The following TRPV4 variants were observed in gnomAD, a reference collection of about 807,000 sequenced individuals.
TRPV4 encodes the protein OSM9-like transient receptor potential channel 4.
Under a neutral mutation model 84.1 loss-of-function variants are expected in TRPV4, and 58 were observed. That is an observed-to-expected ratio of 0.69 (90% CI 0.56 to 0.86). The LOEUF (loss-of-function observed/expected upper bound fraction) is 0.86, where lower values mean the gene tolerates loss of function less well. Among genes scored for constraint, TRPV4 ranks in the 40% least tolerant of loss-of-function variants. The pLI is 0.00. For missense variants in TRPV4, 879 were observed against 1,181.1 expected, an observed-to-expected ratio of 0.74 and a Z score of 3.75; for synonymous variants, 489 against 500.9, an observed-to-expected ratio of 0.98 and a Z score of 0.32.
At chr12:109,822,078 G>A (rs888096832) in intron 1 of TRPV4, among the ~76,000 whole-genome samples, 1 of 152,120 alleles carries the variant, frequency 6.6e-6, no homozygotes, top group African/African-American at 2.4e-5. Flanking sequence ...GGAGGAGGAG[G>A]AAGATAAAGG....
At chr12:109,791,770 C>T (rs1048261144) in intron 12 of TRPV4, among the ~76,000 whole-genome samples, 1 of 151,958 alleles carries the variant, frequency 6.6e-6, no homozygotes, top group Non-Finnish European at 1.5e-5. Flanking sequence ...AGATGTGAGC[C>T]ACTGCGCCCG....
intron 3 of TRPV4, among the ~76,000 whole-genome samples, chr12:109,806,524 G>A (rs1342421632): frequency 6.6e-6 from 1 of 151,522 alleles, no homozygotes; most frequent in Admixed American, 6.6e-5. Flanking sequence ...GTCTCCTGAT[G>A]GACACAATGA....
chr12:109,802,293 C>CTTTTTTTTT (rs1890835805), intron 4 of TRPV4, among the ~76,000 whole-genome samples: 1 of 149,626 alleles, frequency 6.7e-6, no homozygotes, highest in Non-Finnish European at 1.5e-5. Context: ...ACAAGCCTGG[C>CTTTTTTTTT]TTTTTTTGCA....
Position 109,798,900 on chromosome 12 carries a change from A to G in TRPV4, c.866T>C (p.Leu289Pro), listed in dbSNP as rs747187487. The change falls in exon 6 of 16, where the codon CTG becomes CCG. Residue 289 changes from leucine to proline, a missense_variant. Coordinates refer to ENST00000261740, the MANE Select transcript of TRPV4 (RefSeq NM_021625.5). The surrounding 1 kb of genome is among the most constrained non-coding windows in gnomAD (Gnocchi z 5.0). ...GGYFYFGELP[L>P]SLAACTNQPH... ...CTGGTTGGTGCAGGCAGCCAGCGAC[A>G]GGGGCAGCTCCCCTGCGGGCCAGGG... is the stretch of plus-strand genomic sequence containing the variant. The G allele has an allele frequency of 6.2e-7, 1 of 1,611,034 alleles. No homozygotes were observed. The highest frequency in any genetic ancestry group is 8.5e-7 in the Non-Finnish European group (1 of 1,178,018).
chr12:109,808,934 A>AC (rs1891320490), intron 2 of TRPV4, among the ~76,000 whole-genome samples: 1 of 149,058 alleles, frequency 6.7e-6, no homozygotes, highest in East Asian at 2.0e-4. Flanking sequence ...CCATCTATCC[A>AC]CCCATCCATC....
Position 109,783,478 on chromosome 12 carries a change from G to A in TRPV4, c.*143C>T. Reference sequence around the variant, plus strand: ...GGAGGCAGAGCCAGGGGACCACAGGGTCCTGGGGCCTCCCTGGCACCTCCA... The same window carrying A: ...GGAGGCAGAGCCAGGGGACCACAGGATCCTGGGGCCTCCCTGGCACCTCCA... On this transcript the variant is annotated 3_prime_UTR_variant, in exon 16 of 16. Coordinates refer to ENST00000261740, the MANE Select transcript of TRPV4 (RefSeq NM_021625.5). The surrounding 1 kb of genome is among the most constrained non-coding windows in gnomAD (Gnocchi z 4.6). The A allele has an allele frequency of 8.5e-7, 1 of 1,170,046 alleles. No homozygotes were observed. Among genetic ancestry groups the A allele is most frequent in the Middle Eastern group, 2.9e-4 (1 of 3,402 alleles). The allele number at this position is 1,170,046 out of a possible 1,614,324, so 72.5% of individuals were successfully genotyped here. A position where few individuals can be genotyped will look rare whatever the true frequency, so the allele number is the denominator to read the frequency against.
intron 3 of TRPV4, among the ~76,000 whole-genome samples, chr12:109,803,762 G>A (rs770741298): frequency 2.0e-5 from 3 of 152,116 alleles, no homozygotes; most frequent in East Asian, 1.9e-4. Context: ...CCTGGCCCTC[G>A]AAAAGATTTA....
intron 2 of TRPV4, among the ~76,000 whole-genome samples, chr12:109,810,856 G>A (rs1470871182): frequency 6.6e-6 from 1 of 152,182 alleles, no homozygotes; most frequent in Non-Finnish European, 1.5e-5. Flanking sequence ...GGAGGGGAAT[G>A]GGAGATACAG....
At position 109,814,997 on chromosome 12, in the gene TRPV4, G is replaced by A; in HGVS notation, c.-31-170C>T. ...CAGATGTGGTTGGCCGCCAGCCTCA[G>A]GCGGGAACTGCAACAGGAGCCTCTT... is the stretch of plus-strand genomic sequence containing the variant. On this transcript the variant is annotated intron_variant, in intron 1 of 15. Coordinates refer to ENST00000261740, the MANE Select transcript of TRPV4 (RefSeq NM_021625.5). The surrounding 1 kb of genome is among the most constrained non-coding windows in gnomAD (Gnocchi z 5.4). The A allele has an allele frequency of 1.6e-6, 1 of 636,510 alleles. No homozygotes were observed. Among genetic ancestry groups the A allele is most frequent in the Non-Finnish European group, 2.7e-6 (1 of 369,940 alleles). The allele number at this position is 636,510 out of a possible 1,614,324, so 39.4% of individuals were successfully genotyped here.
Position 109,788,630 on chromosome 12 carries a change from A to G in TRPV4, c.1978T>C (p.Cys660Arg), listed in dbSNP as rs1251149509. The G allele has an allele frequency of 1.2e-6, 2 of 1,614,252 alleles. No homozygotes were observed. The highest frequency in any genetic ancestry group is 1.1e-5 in the South Asian group (1 of 91,092). ...TNCTVPTYPS[C>R]RDSETFSTFL... ...GTGCTGAAGGTCTCGCTGTCACGGCACGAGGGGTAAGTGGGCACTGTGCAG... is the reference window on the plus strand; with the variant it reads ...GTGCTGAAGGTCTCGCTGTCACGGCGCGAGGGGTAAGTGGGCACTGTGCAG... The change falls in exon 13 of 16, where the codon TGC becomes CGC. Residue 660 changes from cysteine to arginine, a missense_variant. Around this residue, in one of 4 missense-constraint regions of TRPV4, gnomAD observed 242 missense variants for 355.3 expected, o/e 0.68. Transcript: ENST00000261740.
intron 12 of TRPV4, among the ~76,000 whole-genome samples, chr12:109,790,145 G>A (rs1889939564): frequency 6.6e-6 from 1 of 152,196 alleles, no homozygotes; most frequent in African/African-American, 2.4e-5. Flanking sequence ...TATCTCCCCA[G>A]TGAAAACTAC....
intron 5 of TRPV4, among the ~76,000 whole-genome samples, chr12:109,799,971 CTCACTCTGTCA>C (rs1890671382): frequency 6.6e-6 from 1 of 151,952 alleles, no homozygotes; most frequent in East Asian, 1.9e-4. Flanking sequence ...GAGACAGAGT[CTCACTCTGTCA>C]CCCAAGCTGG....
Position 109,829,999 on chromosome 12 carries a change from A to G in TRPV4, c.-32+3351T>C, listed in dbSNP as rs149326331. Among the ~76,000 whole-genome samples the G allele has an allele frequency of 1.5e-3, 235 of 152,290 alleles. 2 individuals are homozygous for G. The highest frequency in any genetic ancestry group is 5.4e-3 in the African/African-American group (224 of 41,540). On this transcript the variant is annotated intron_variant, in intron 1 of 15. Transcript: ENST00000261740. ...TTCGGCTAATTTTTGTATTTTTTCT[A>G]GAGACAGAGTTTCACCATGTTGCCC...
At chr12:109,792,880 GGGAAGACA>G in intron 10 of TRPV4, 63 bp from the exon 11 acceptor site, 2 of 1,569,588 alleles carry the variant, frequency 1.3e-6, no homozygotes, top group Non-Finnish European at 1.7e-6. Flanking sequence ...GGCTCTGGAG[GGGAAGACA>G]CGCCTCCAAG....
chr12:109,817,900 CT>C (rs1026133854), intron 1 of TRPV4, among the ~76,000 whole-genome samples: 1 of 152,220 alleles, frequency 6.6e-6, no homozygotes, highest in Non-Finnish European at 1.5e-5. Context: ...ACTAAACATC[CT>C]CCAAAGCAAA....
At chr12:109,794,637 GGATT>G in intron 7 of TRPV4, 150 bp from the exon 8 acceptor site, 1 of 822,314 alleles carries the variant, frequency 1.2e-6, no homozygotes, top group Non-Finnish European at 2.0e-6. Flanking sequence ...ATTCATGAAT[GGATT>G]CAGCTGCCCA....
chr12:109,814,116 T>C lies in TRPV4; in HGVS notation c.386+295A>G, dbSNP rs1891704293. ...ATGGATCGATGGATAGATGTATGGA[T>C]GGTTGGATGGATGGATGGAGGATAT... On this transcript the variant is annotated intron_variant, in intron 2 of 15. Transcript: ENST00000261740. The surrounding 1 kb of genome is among the most constrained non-coding windows in gnomAD (Gnocchi z 5.4). Among the ~76,000 whole-genome samples, 1 of 151,638 alleles carries C rather than the reference T, an allele frequency of 6.6e-6. No individual in the cohort carries two copies. The highest frequency in any genetic ancestry group is 2.1e-4 in the South Asian group (1 of 4,808).
At chr12:109,800,784 G>A (rs1343875601) in intron 4 of TRPV4, 26 bp from the exon 5 acceptor site, 4 of 1,611,238 alleles carry the variant, frequency 2.5e-6, no homozygotes, top group African/African-American at 2.7e-5. Context: ...GGTCATCCAG[G>A]GTCCTGGCGG....
At chr12:109,816,062 GC>G (rs1891829083) in intron 1 of TRPV4, among the ~76,000 whole-genome samples, 1 of 152,238 alleles carries the variant, frequency 6.6e-6, no homozygotes, top group Non-Finnish European at 1.5e-5. Context: ...TGTCTGAAAA[GC>G]CCTCTCTTGT....
Sources: allele counts gnomAD v4.1 joint callset (sites outside exome capture counted in the v4.1 genomes callset), GRCh38; gene constraint gnomAD v4.1.1; regional missense constraint gnomAD v4.1.1; non-coding constraint Gnocchi (gnomAD v3.1); transcripts MANE v1.5; gene names NCBI Gene and HGNC (gene_info 2026-07-23, HGNC 2026-07-21).